Variants in CNGA1 observed in about 807,000 individuals in gnomAD.
CNGA1 encodes the protein cyclic nucleotide-gated channel alpha-1.
In CNGA1, 53 loss-of-function variants were observed where a neutral mutation model predicts 69.7. The observed-to-expected ratio is 0.76, with a 90% CI of 0.61 to 0.96. The LOEUF is 0.96. Ranked by LOEUF, CNGA1 falls within the 40% of genes least tolerant of loss-of-function variation. CNGA1 has a pLI of 0.00. For synonymous variants in CNGA1, 249 were observed against 283.5 expected, an observed-to-expected ratio of 0.88 and a Z score of 1.22; for missense variants, 739 against 811.2, an observed-to-expected ratio of 0.91 and a Z score of 1.08.
intron 10 of CNGA1, among the ~76,000 whole-genome samples, chr4:47,939,437 C>G (rs919247305): frequency 1.1e-4 from 16 of 152,162 alleles, no homozygotes; most frequent in Non-Finnish European, 2.2e-4. Context: ...ATTATCATAC[C>G]CTTTATTAAT....
chr4:47,995,812 C>T (rs1742453986), intron 2 of CNGA1, among the ~76,000 whole-genome samples: 1 of 152,106 alleles, frequency 6.6e-6, no homozygotes, highest in Non-Finnish European at 1.5e-5. Flanking sequence ...GGCTGTTGTT[C>T]AGATTCTTTT....
chr4:47,977,608 TC>T, intron 3 of CNGA1, among the ~76,000 whole-genome samples: 1 of 152,220 alleles, frequency 6.6e-6, no homozygotes, highest in East Asian at 1.9e-4. Context: ...TCAGTGTCTC[TC>T]CCCCAGACTT....
chr4:47,936,280 TGTACCTTGCA>T lies in CNGA1; in HGVS notation c.*131_*140del. ...TATCTCTCAGAGAGGGTGTGGGCCT[TGTACCTTGCA>T]CCAAAGCACATTTTCCTCATGGAAA... On this transcript the variant is annotated 3_prime_UTR_variant, in exon 11 of 11. Coordinates refer to ENST00000514170, the MANE Select transcript of CNGA1 (RefSeq NM_001379270.1). The T allele has an allele frequency of 1.2e-6, 1 of 842,488 alleles. No individual in the cohort carries two copies. Among genetic ancestry groups the T allele is most frequent in the Non-Finnish European group, 1.9e-6 (1 of 513,028 alleles). The allele number at this position is 842,488 out of a possible 1,614,324, so 52.2% of individuals were successfully genotyped here. A position where few individuals can be genotyped will look rare whatever the true frequency, so the allele number is the denominator to read the frequency against.
chr4:47,939,792 GT>G (rs1361577490), intron 10 of CNGA1, among the ~76,000 whole-genome samples: 1 of 152,132 alleles, frequency 6.6e-6, no homozygotes, highest in African/African-American at 2.4e-5. Flanking sequence ...ATGGGTTGTT[GT>G]TTTTTTTCCC....
intron 2 of CNGA1, among the ~76,000 whole-genome samples, chr4:47,994,703 T>C (rs1262981312): frequency 2.0e-5 from 3 of 152,158 alleles, no homozygotes; most frequent in African/African-American, 7.2e-5. Context: ...TGCCATTCCA[T>C]TCATTGTACT....
chr4:48,015,226 G>A (rs1040311655), intron 1 of CNGA1, among the ~76,000 whole-genome samples: 3 of 151,948 alleles, frequency 2.0e-5, no homozygotes, highest in African/African-American at 7.2e-5. Flanking sequence ...ACAAAAAGAA[G>A]TCTAAGTTTT....
In CNGA1 at chr4:47,936,297, C is replaced by A; in HGVS notation, c.*124G>T. On this transcript the variant is annotated 3_prime_UTR_variant, in exon 11 of 11. Coordinates refer to ENST00000514170, the MANE Select transcript of CNGA1 (RefSeq NM_001379270.1). The stretch of plus-strand genomic sequence containing the variant: ...GTGGGCCTTGTACCTTGCACCAAAG[C>A]ACATTTTCCTCATGGAAAAATTTCC... 2.0e-6 allele frequency: 2 copies of A among 1,011,470 alleles called. No individual in the cohort carries two copies. Among genetic ancestry groups the A allele is most frequent in the South Asian group, 1.3e-5 (1 of 74,086 alleles). 62.7% of individuals were successfully genotyped at this position (1,011,470 alleles called of 1,614,324 possible).
intron 3 of CNGA1, among the ~76,000 whole-genome samples, chr4:47,980,255 C>G (rs75468409): frequency 6.9e-4 from 105 of 152,050 alleles, no homozygotes; most frequent in Non-Finnish European, 1.2e-3. Flanking sequence ...GATATATAAA[C>G]AAAAAGTCAA....
At chr4:47,976,652 G>A (rs577795639) in intron 3 of CNGA1, among the ~76,000 whole-genome samples, 63 of 152,022 alleles carry the variant, frequency 4.1e-4, no homozygotes, top group African/African-American at 1.4e-3. Flanking sequence ...CCTTATCTCT[G>A]AAAAGGGTAC....
rs778736952 is a variant in CNGA1, at chr4:47,949,848, C to T, written c.272G>A (p.Ser91Asn). ...ATATACTTACTGGTCCTTATTGCTGCTGTTGTTCACATTAAAAAGTGCAAT... is the reference window on the plus strand; with the variant it reads ...ATATACTTACTGGTCCTTATTGCTGTTGTTGTTCACATTAAAAAGTGCAAT... The part of the protein sequence containing the change: ...GAIALFNVNN[S>N]SNKDQEPEEK... The change falls in exon 6 of 11, where the codon AGC becomes AAC. Residue 91 changes from serine to asparagine, a missense_variant. Physicochemically the swap from Ser to Asn is conservative, Grantham distance 46 (BLOSUM62 1). Transcript: ENST00000514170. 2 of 1,614,008 alleles carry T rather than the reference C, an allele frequency of 1.2e-6. No homozygotes were observed. Among genetic ancestry groups the T allele is most frequent in the East Asian group, 2.2e-5 (1 of 44,862 alleles).
chr4:47,970,761 C>A, intron 3 of CNGA1: 1 of 383,250 alleles, frequency 2.6e-6, no homozygotes, highest in Non-Finnish European at 5.2e-6. Flanking sequence ...TTTCTTCCTA[C>A]CTCTGGTACC....
intron 2 of CNGA1, among the ~76,000 whole-genome samples, chr4:47,993,393 A>G (rs765308299): frequency 6.6e-6 from 1 of 152,016 alleles, no homozygotes; most frequent in Non-Finnish European, 1.5e-5. Flanking sequence ...AGGTTATCTA[A>G]TTCTTCCTGA....
At chr4:47,973,703 TAA>T (rs200095836) in intron 3 of CNGA1, among the ~76,000 whole-genome samples, 1 of 145,102 alleles carries the variant, frequency 6.9e-6, no homozygotes, top group African/African-American at 2.5e-5. Flanking sequence ...TCGGGATGTG[TAA>T]AAAAAAAAAG....
intron 2 of CNGA1, among the ~76,000 whole-genome samples, chr4:48,004,974 A>G (rs1714848744): frequency 1.3e-5 from 2 of 152,330 alleles, no homozygotes; most frequent in African/African-American, 4.8e-5. Context: ...AGAAAATAAT[A>G]AAAGTTGAAA....
intron 1 of CNGA1, among the ~76,000 whole-genome samples, chr4:48,015,528 TA>T (rs1315997952): frequency 1.3e-5 from 2 of 152,176 alleles, no homozygotes; most frequent in African/African-American, 4.8e-5. Context: ...TCCTCAGTGT[TA>T]AAATGCCAGA....
At chr4:47,971,291 T>G (rs1741011924) in intron 3 of CNGA1, among the ~76,000 whole-genome samples, 1 of 151,896 alleles carries the variant, frequency 6.6e-6, no homozygotes, top group Non-Finnish European at 1.5e-5. Context: ...AGTATGGGAC[T>G]GGGCAATTGG....
chr4:47,956,746 G>A (rs1740113232), intron 3 of CNGA1, among the ~76,000 whole-genome samples: 1 of 152,154 alleles, frequency 6.6e-6, no homozygotes, highest in South Asian at 2.1e-4. Context: ...AAGGAAAAGG[G>A]AAGGAAGGAG....
intron 3 of CNGA1, among the ~76,000 whole-genome samples, chr4:47,955,665 A>C (rs1228627323): frequency 1.3e-5 from 2 of 152,134 alleles, no homozygotes; most frequent in Non-Finnish European, 2.9e-5. Context: ...GGTGTTATCC[A>C]TTGCTCAAGT....
intron 2 of CNGA1, among the ~76,000 whole-genome samples, chr4:48,000,620 A>G (rs551441914): frequency 7.9e-5 from 12 of 152,018 alleles, no homozygotes; most frequent in Non-Finnish European, 1.3e-4. Context: ...TGCCCACCTC[A>G]GCCTCCCAAA....
Sources: gnomAD v4.1 joint callset for allele counts (sites outside exome capture counted in the v4.1 genomes callset) on GRCh38, gnomAD v4.1.1 for gene constraint, MANE v1.5 for transcripts, NCBI Gene and HGNC (gene_info 2026-07-23, HGNC 2026-07-21) for gene names.